Variants in TIAM1 observed in about 807,000 individuals in gnomAD.
TIAM1 encodes TIAM Rac1 associated GEF 1.
A neutral mutation model predicts 163.5 loss-of-function variants in TIAM1; 65 were observed. The ratio of observed to expected loss-of-function variants is 0.40; its 90% CI spans 0.33 to 0.49. TIAM1 has a LOEUF of 0.49. TIAM1 is among the 20% of genes least tolerant of loss of function. The probability of loss-of-function intolerance (pLI) is 0.77; values close to 1 mark genes in which losing one functional copy is unlikely to be tolerated. For synonymous variants in TIAM1, 833 were observed against 810.1 expected (o/e 1.03, Z -0.48); for missense variants, 1,789 against 2,044.7 (o/e 0.87, Z 2.41).
intron 22 of TIAM1, among the ~76,000 whole-genome samples, chr21:31,140,354 G>T (rs1427832688): frequency 3.9e-5 from 6 of 152,152 alleles, no homozygotes; most frequent in Admixed American, 2.6e-4. Flanking sequence ...CTAATCTCTA[G>T]TTGAATTTGA....
In TIAM1 at chr21:31,526,221, G is replaced by C. The variant is rs150565312; in HGVS notation, c.-422+32706C>G. Among the ~76,000 whole-genome samples the C allele has an allele frequency of 2.1e-4, 32 of 152,202 alleles. No homozygotes were observed. The Middle Eastern group carries it at 0.01, about 49-fold the overall frequency. The stretch of plus-strand genomic sequence containing the variant: ...AGTAAGCAAACAGGATGAGATCTGG[G>C]TCTTCACAGCAGGAGACTGAAGAGG... On this transcript the variant is annotated intron_variant, in intron 1 of 28. Transcript: ENST00000286827.
chr21:31,394,754 AC>A (rs1276997653), intron 2 of TIAM1, among the ~76,000 whole-genome samples: 66 of 151,280 alleles, frequency 4.4e-4, no homozygotes, highest in African/African-American at 1.2e-3. Flanking sequence ...ACACACACAC[AC>A]ACACACACAC....
intron 2 of TIAM1, among the ~76,000 whole-genome samples, chr21:31,369,676 A>G (rs778149811): frequency 1.3e-5 from 2 of 152,210 alleles, no homozygotes; most frequent in Non-Finnish European, 2.9e-5. Flanking sequence ...TCTGTGTCCC[A>G]TAAATATGTA....
chr21:31,456,015 A>T (rs1306260183), intron 2 of TIAM1, among the ~76,000 whole-genome samples: 2 of 152,162 alleles, frequency 1.3e-5, no homozygotes, highest in African/African-American at 4.8e-5. Flanking sequence ...CCGGATATCA[A>T]CGGCTATCTT....
At chr21:31,273,377 A>C (rs2073150338) in intron 3 of TIAM1, among the ~76,000 whole-genome samples, 1 of 152,194 alleles carries the variant, frequency 6.6e-6, no homozygotes, top group Non-Finnish European at 1.5e-5. Flanking sequence ...TGACAGGCTC[A>C]CTCCTCAGAT....
At chr21:31,184,996 T>C (rs1239787941) in intron 14 of TIAM1, among the ~76,000 whole-genome samples, 1 of 150,684 alleles carries the variant, frequency 6.6e-6, no homozygotes, top group African/African-American at 2.4e-5. Flanking sequence ...AGAACTCAGC[T>C]GAACCAGGAC....
chr21:31,511,644 G>T (rs960613149), intron 1 of TIAM1, among the ~76,000 whole-genome samples: 10 of 152,198 alleles, frequency 6.6e-5, no homozygotes, highest in Non-Finnish European at 1.0e-4. Flanking sequence ...TGTCACCGAC[G>T]TATGCTTCTC....
chr21:31,391,564 G>A (rs895746873), intron 2 of TIAM1, among the ~76,000 whole-genome samples: 5 of 152,128 alleles, frequency 3.3e-5, no homozygotes, highest in African/African-American at 1.2e-4. Context: ...CGTGGAGGTT[G>A]CAGTGAGCTA....
intron 1 of TIAM1, among the ~76,000 whole-genome samples, chr21:31,547,502 A>C (rs900725712): frequency 2.6e-5 from 4 of 152,192 alleles, no homozygotes; most frequent in African/African-American, 9.6e-5. Flanking sequence ...AAAGGAAAAA[A>C]ACTACAGGGT....
At chr21:31,268,730 G>T (rs1033016910) in intron 3 of TIAM1, among the ~76,000 whole-genome samples, 3 of 152,162 alleles carry the variant, frequency 2.0e-5, no homozygotes, top group African/African-American at 7.2e-5. Flanking sequence ...AAAACGAAAA[G>T]ATCAACGGTC....
chr21:31,182,524 G>C lies in TIAM1; in HGVS notation c.2784C>G (p.Pro928=), dbSNP rs60440604. ...GCAGCTCCACTCCTTCCTCCAGCTC[G>C]GGGTAGGTCCTCACCAGGAGGCCCA... The part of the protein sequence containing the change: ...PSLGLLVRTY[P]ELEEGVELLE... The change falls in exon 15 of 28, where the codon CCC becomes CCG. Residue 928 remains proline (P), a synonymous_variant. Transcript: ENST00000541036. 1.9e-5 allele frequency: 31 copies of C among 1,613,682 alleles called. No individual in the cohort carries two copies. Among genetic ancestry groups the C allele is most frequent in the African/African-American group, 2.7e-5 (2 of 74,928 alleles).
At chr21:31,474,392 C>T (rs189412727) in intron 1 of TIAM1, among the ~76,000 whole-genome samples, 16 of 152,292 alleles carry the variant, frequency 1.1e-4, no homozygotes, top group African/African-American at 3.6e-4. Context: ...GCCATGTGAC[C>T]ATGGTCCAGC....
intron 2 of TIAM1, among the ~76,000 whole-genome samples, chr21:31,445,820 A>G (rs1455994667): frequency 6.6e-6 from 1 of 152,122 alleles, no homozygotes; most frequent in Non-Finnish European, 1.5e-5. Flanking sequence ...AGGGGAGGAG[A>G]GACGCTAAAG....
intron 6 of TIAM1, among the ~76,000 whole-genome samples, chr21:31,240,671 C>T (rs1376750186): frequency 6.6e-6 from 1 of 152,236 alleles, no homozygotes; most frequent in South Asian, 2.1e-4. Flanking sequence ...CATGCAAACA[C>T]TCTTCACTCC....
chr21:31,228,261 G>GATTTTTCCTTTAAAAAAAAAAAAAA (rs2088177928), intron 6 of TIAM1, among the ~76,000 whole-genome samples: 1 of 29,930 alleles, frequency 3.3e-5, no homozygotes, highest in Non-Finnish European at 7.1e-5. Context: ...AAAAAAAAAG[G>GATTTTTCCTTTAAAAAAAAAAAAAA]AAGGAAAAAA....
intron 2 of TIAM1, among the ~76,000 whole-genome samples, chr21:31,284,449 C>CCCCCT (rs1569161179): frequency 6.6e-6 from 1 of 152,128 alleles, no homozygotes; most frequent in Non-Finnish European, 1.5e-5. Context: ...GGACACACAG[C>CCCCCT]AGGGGGGGTG....
intron 2 of TIAM1, among the ~76,000 whole-genome samples, chr21:31,319,799 A>AT (rs2147023336): frequency 6.7e-6 from 1 of 150,084 alleles, no homozygotes; most frequent in Admixed American, 6.6e-5. Flanking sequence ...AAAAAAAAAA[A>AT]AAATTACTAT....
At chr21:31,346,253 T>A (rs2076145912), upstream of TIAM1, among the ~76,000 whole-genome samples, 1 of 152,196 alleles carries the variant, frequency 6.6e-6, no homozygotes, top group Non-Finnish European at 1.5e-5. Context: ...ATTTAATTAA[T>A]GTATTCCATC....
intron 2 of TIAM1, among the ~76,000 whole-genome samples, chr21:31,353,917 C>T (rs1421406648): frequency 7.5e-6 from 1 of 132,560 alleles, no homozygotes; most frequent in African/African-American, 2.7e-5. Flanking sequence ...CAGCTCACTG[C>T]AACCTCTGCC....
Sources: allele counts gnomAD v4.1 joint callset (sites outside exome capture counted in the v4.1 genomes callset), GRCh38; gene constraint gnomAD v4.1.1; transcripts MANE v1.5; gene names NCBI Gene and HGNC (gene_info 2026-07-23, HGNC 2026-07-21).